The following CDH13 variants were observed in gnomAD, a reference collection of about 807,000 sequenced individuals.
The protein encoded by CDH13 is cadherin 13.
A neutral mutation model predicts 63.8 loss-of-function variants in CDH13; 24 were observed. That is an observed-to-expected ratio of 0.38 (90% CI 0.27 to 0.53). CDH13 has a LOEUF of 0.53. Ranked by LOEUF, CDH13 falls within the 20% of genes least tolerant of loss-of-function variation. The pLI is 0.85. For missense variants in CDH13, 1,049 were observed against 903.1 expected (o/e 1.16, Z -2.07); for synonymous variants, 503 against 355.3 (o/e 1.42, Z -4.67).
At chr16:83,270,154 C>A (rs966399658) in intron 5 of CDH13, among the ~76,000 whole-genome samples, 9 of 152,238 alleles carry the variant, frequency 5.9e-5, no homozygotes, top group Non-Finnish European at 1.0e-4. Context: ...TACACTGTTA[C>A]ACAGCAGGGC....
intron 3 of CDH13, among the ~76,000 whole-genome samples, chr16:83,120,546 TC>T (rs1259042258): frequency 2.6e-5 from 4 of 152,216 alleles, no homozygotes; most frequent in Non-Finnish European, 5.9e-5. Context: ...CATTCACCAG[TC>T]CTTTACATCT....
At chr16:83,418,144 G>T (rs774262121) in intron 6 of CDH13, among the ~76,000 whole-genome samples, 1 of 152,106 alleles carries the variant, frequency 6.6e-6, no homozygotes, top group East Asian at 1.9e-4. Flanking sequence ...TAGCTACATG[G>T]CTGTCAGCAA....
chr16:82,982,409 A>C (rs1910390734), intron 2 of CDH13, among the ~76,000 whole-genome samples: 1 of 152,196 alleles, frequency 6.6e-6, no homozygotes, highest in African/African-American at 2.4e-5. Flanking sequence ...ATTTATTATC[A>C]TACATTTCTG....
intron 1 of CDH13, among the ~76,000 whole-genome samples, chr16:82,827,836 G>C (rs538664294): frequency 6.6e-6 from 1 of 152,332 alleles, no homozygotes; most frequent in South Asian, 2.1e-4. Context: ...AGGATGGTCA[G>C]ATGTGGTATG....
At chr16:83,759,874 G>A (rs1913817985) in intron 11 of CDH13, among the ~76,000 whole-genome samples, 1 of 149,818 alleles carries the variant, frequency 6.7e-6, no homozygotes, top group South Asian at 2.1e-4. Context: ...GCTGCAGTGA[G>A]CCATGATCAC....
At chr16:83,791,681 C>G (rs1244363374) in intron 13 of CDH13, among the ~76,000 whole-genome samples, 1 of 151,650 alleles carries the variant, frequency 6.6e-6, no homozygotes, top group East Asian at 1.9e-4. Context: ...TGTGGTGGCA[C>G]ACGCCTATAA....
At chr16:83,309,484 C>A (rs891957709) in intron 5 of CDH13, among the ~76,000 whole-genome samples, 1 of 152,170 alleles carries the variant, frequency 6.6e-6, no homozygotes, top group Non-Finnish European at 1.5e-5. Flanking sequence ...TCCAGCAATT[C>A]TCCTGCCTCA....
At chr16:82,671,503 A>G (rs1913238426) in intron 1 of CDH13, among the ~76,000 whole-genome samples, 1 of 152,228 alleles carries the variant, frequency 6.6e-6, no homozygotes, top group Admixed American at 6.5e-5. Context: ...TGTTTAAGAA[A>G]ACGATTACAC....
chr16:83,291,010 A>G (rs564716830), intron 5 of CDH13, among the ~76,000 whole-genome samples: 6 of 152,188 alleles, frequency 3.9e-5, no homozygotes, highest in African/African-American at 7.2e-5. Flanking sequence ...GCACTCATGC[A>G]GCATGTCACG....
chr16:82,801,900 G>T (rs1449080814), intron 1 of CDH13, among the ~76,000 whole-genome samples: 1 of 152,190 alleles, frequency 6.6e-6, no homozygotes, highest in Non-Finnish European at 1.5e-5. Context: ...GGATTTAAGT[G>T]CATTCTATTT....
chr16:82,767,154 A>T (rs1372183835), intron 1 of CDH13, among the ~76,000 whole-genome samples: 1 of 152,210 alleles, frequency 6.6e-6, no homozygotes, highest in Non-Finnish European at 1.5e-5. Flanking sequence ...TTCTCTTTTG[A>T]TGTAAAATTT....
chr16:82,997,931 A>C (rs1479344414), intron 2 of CDH13, among the ~76,000 whole-genome samples: 1 of 152,262 alleles, frequency 6.6e-6, no homozygotes, highest in Non-Finnish European at 1.5e-5. Context: ...ATGTGCATTT[A>C]TTAAGTCACT....
intron 6 of CDH13, among the ~76,000 whole-genome samples, chr16:83,360,623 C>T (rs1237064698): frequency 3.9e-5 from 6 of 152,118 alleles, no homozygotes; most frequent in Admixed American, 6.6e-5. Context: ...CAGCACCCTC[C>T]GCTAGTCCCC....
At chr16:83,239,313 C>T (rs1904295318) in intron 5 of CDH13, among the ~76,000 whole-genome samples, 1 of 152,160 alleles carries the variant, frequency 6.6e-6, no homozygotes, top group Admixed American at 6.5e-5. Flanking sequence ...TGATCTACCG[C>T]CTGGGCACTT....
chr16:83,557,459 G>C (rs1002560690), intron 7 of CDH13, among the ~76,000 whole-genome samples: 1 of 152,146 alleles, frequency 6.6e-6, no homozygotes, highest in African/African-American at 2.4e-5. Context: ...GGGGACTGAT[G>C]TTCTATGTAT....
At chr16:83,160,903 G>A (rs921834028) in intron 4 of CDH13, among the ~76,000 whole-genome samples, 1 of 152,150 alleles carries the variant, frequency 6.6e-6, no homozygotes, top group Admixed American at 6.5e-5. Flanking sequence ...AATTCCTCCA[G>A]TACACATTTT....
chr16:82,741,532 C>G (rs924746709), intron 1 of CDH13, among the ~76,000 whole-genome samples: 5 of 152,160 alleles, frequency 3.3e-5, no homozygotes, highest in African/African-American at 1.2e-4. Context: ...CTGTGAAATC[C>G]TTGAAGATGG....
intron 2 of CDH13, among the ~76,000 whole-genome samples, chr16:82,868,461 A>G (rs1016227264): frequency 6.6e-6 from 1 of 152,244 alleles, no homozygotes; most frequent in East Asian, 1.9e-4. Context: ...TAAGAAATGA[A>G]CATATGTACA....
chr16:82,646,678 A>G (rs1045255771), intron 1 of CDH13, among the ~76,000 whole-genome samples: 6 of 152,182 alleles, frequency 3.9e-5, no homozygotes, highest in Non-Finnish European at 7.3e-5. Context: ...TATGAGGTGC[A>G]TCTTGTCATC....
Sources: gnomAD v4.1 joint callset for allele counts (sites outside exome capture counted in the v4.1 genomes callset) on GRCh38, gnomAD v4.1.1 for gene constraint, MANE v1.5 for transcripts, NCBI Gene and HGNC (gene_info 2026-07-23, HGNC 2026-07-21) for gene names.